The following SLC9A9 variants were observed in gnomAD, a reference collection of about 807,000 sequenced individuals.
SLC9A9 encodes the protein sodium/hydrogen exchanger 9.
A neutral mutation model predicts 77.8 loss-of-function variants in SLC9A9; 62 were observed. That is an observed-to-expected ratio of 0.80 (90% CI 0.65 to 0.98). The LOEUF (loss-of-function observed/expected upper bound fraction) is 0.98. Ranked by LOEUF, SLC9A9 falls within the 50% of genes least tolerant of loss-of-function variation. The pLI is 0.00. For synonymous variants in SLC9A9, 320 were observed against 283.5 expected, an observed-to-expected ratio of 1.13 and a Z score of -1.29; for missense variants, 775 against 774.9, an observed-to-expected ratio of 1.00 and a Z score of 0.00.
intron 13 of SLC9A9, among the ~76,000 whole-genome samples, chr3:143,381,786 T>C (rs1259663086): frequency 6.6e-6 from 1 of 152,230 alleles, no homozygotes; most frequent in Non-Finnish European, 1.5e-5. Flanking sequence ...ATGAAGTGCC[T>C]CATTCCAAGA....
intron 14 of SLC9A9, among the ~76,000 whole-genome samples, chr3:143,335,384 A>C (rs934606309): frequency 6.6e-6 from 1 of 152,190 alleles, no homozygotes; most frequent in Admixed American, 6.5e-5. Context: ...ATTCTGGTCA[A>C]AATCCCAATG....
chr3:143,364,513 A>C (rs914434721), intron 13 of SLC9A9, among the ~76,000 whole-genome samples: 48 of 152,310 alleles, frequency 3.2e-4, no homozygotes, highest in African/African-American at 1.1e-3. Flanking sequence ...GAAGACAATG[A>C]AAGTCTACTG....
intron 12 of SLC9A9, among the ~76,000 whole-genome samples, chr3:143,436,099 C>T (rs1023574034): frequency 2.6e-5 from 4 of 152,220 alleles, no homozygotes; most frequent in Non-Finnish European, 5.9e-5. Context: ...TCTTCTCTTG[C>T]TCCGAGTTCC....
chr3:143,847,245 C>T (rs1234166488), intron 1 of SLC9A9, among the ~76,000 whole-genome samples: 1 of 152,184 alleles, frequency 6.6e-6, no homozygotes, highest in Admixed American at 6.5e-5. Flanking sequence ...CAATGCCTTG[C>T]CTGTTGCCAT....
intron 12 of SLC9A9, among the ~76,000 whole-genome samples, chr3:143,463,211 T>C (rs2035227253): frequency 6.6e-6 from 1 of 152,182 alleles, no homozygotes; most frequent in Non-Finnish European, 1.5e-5. Context: ...CCTTCCACAC[T>C]GTGATTCAGA....
chr3:143,328,800 A>T (rs1369680606), intron 14 of SLC9A9, among the ~76,000 whole-genome samples: 11 of 152,138 alleles, frequency 7.2e-5, no homozygotes, highest in Admixed American at 7.2e-4. Context: ...TCGCTTCGTT[A>T]TGGACCCCAG....
chr3:143,273,613 G>A (rs1937960231), intron 14 of SLC9A9, among the ~76,000 whole-genome samples: 1 of 152,300 alleles, frequency 6.6e-6, no homozygotes, highest in South Asian at 2.1e-4. Flanking sequence ...GGCAGCCCAA[G>A]TAGACTAAGA....
chr3:143,805,362 C>T (rs2008682021), intron 2 of SLC9A9, among the ~76,000 whole-genome samples: 1 of 152,092 alleles, frequency 6.6e-6, no homozygotes. Flanking sequence ...CTGGAAGCAG[C>T]CCTGAGAAAC....
chr3:143,610,173 A>T (rs1460505544), intron 6 of SLC9A9, among the ~76,000 whole-genome samples: 1 of 151,878 alleles, frequency 6.6e-6, no homozygotes, highest in Non-Finnish European at 1.5e-5. Context: ...ATTTGAGAAA[A>T]GGTCTCTCTC....
At position 143,266,097 on chromosome 3, in the gene SLC9A9, A is replaced by G; in HGVS notation, c.*605T>C. On this transcript the variant is annotated 3_prime_UTR_variant, in exon 16 of 16. Transcript: ENST00000316549. ...GAGCGATGGGAGAAGTAGCATAAGA[A>G]GGATGCCAAGAAGAACAATAGGTTC... The G allele has an allele frequency of 1.4e-6, 1 of 702,382 alleles. No individual in the cohort carries two copies. The highest frequency in any genetic ancestry group is 1.7e-5 in the African/African-American group (1 of 57,374). The allele number at this position is 702,382 out of a possible 1,614,324, so 43.5% of individuals were successfully genotyped here.
At chr3:143,539,047 T>A (rs1320738853) in intron 9 of SLC9A9, among the ~76,000 whole-genome samples, 1 of 152,228 alleles carries the variant, frequency 6.6e-6, no homozygotes, top group Non-Finnish European at 1.5e-5. Context: ...AGAGATTTTT[T>A]TTTTAACAGT....
chr3:143,731,854 G>C (rs1162359823), intron 4 of SLC9A9, among the ~76,000 whole-genome samples: 2 of 152,096 alleles, frequency 1.3e-5, no homozygotes. Context: ...CCCATGATCT[G>C]TTTGCCTCTA....
At chr3:143,459,630 G>A (rs1431144375) in intron 12 of SLC9A9, among the ~76,000 whole-genome samples, 1 of 152,022 alleles carries the variant, frequency 6.6e-6, no homozygotes, top group Non-Finnish European at 1.5e-5. Flanking sequence ...TCAGACACAT[G>A]CATATACAGC....
intron 4 of SLC9A9, among the ~76,000 whole-genome samples, chr3:143,768,728 A>G (rs1161009690): frequency 6.6e-6 from 1 of 152,202 alleles, no homozygotes; most frequent in Admixed American, 6.5e-5. Flanking sequence ...GTCTTCATTC[A>G]GCAAAATGTG....
At chr3:143,382,252 A>G (rs993441051) in intron 12 of SLC9A9, 138 bp from the exon 13 acceptor site, 6 of 892,330 alleles carry the variant, frequency 6.7e-6, no homozygotes, top group African/African-American at 4.9e-5. Context: ...GTCTTCTTGA[A>G]TCAAAAGAAC....
intron 14 of SLC9A9, among the ~76,000 whole-genome samples, chr3:143,339,763 C>G (rs1398390334): frequency 6.6e-6 from 1 of 152,132 alleles, no homozygotes; most frequent in Non-Finnish European, 1.5e-5. Flanking sequence ...TGTTCCAAAG[C>G]TGAGCTTGGT....
At chr3:143,614,004 G>A (rs75690638) in intron 6 of SLC9A9, among the ~76,000 whole-genome samples, 12,393 of 152,170 alleles carry the variant, frequency 0.081, 590 homozygotes, top group Middle Eastern at 0.17. Flanking sequence ...ACAACATAGT[G>A]TATCTCTCTT....
At chr3:143,478,328 G>A (rs1576524425) in intron 11 of SLC9A9, among the ~76,000 whole-genome samples, 1 of 152,302 alleles carries the variant, frequency 6.6e-6, no homozygotes, top group Admixed American at 6.5e-5. Context: ...GAGTGACCAG[G>A]TTCCTCTAAA....
At chr3:143,755,999 G>C (rs1489056580) in intron 4 of SLC9A9, among the ~76,000 whole-genome samples, 1 of 152,174 alleles carries the variant, frequency 6.6e-6, no homozygotes, top group Non-Finnish European at 1.5e-5. Context: ...GGAAACAGAG[G>C]TTCCAGTAAG....
Sources: allele counts gnomAD v4.1 joint callset (sites outside exome capture counted in the v4.1 genomes callset), GRCh38; gene constraint gnomAD v4.1.1; transcripts MANE v1.5; gene names NCBI Gene and HGNC (gene_info 2026-07-23, HGNC 2026-07-21).